Variants in DRC8 observed in about 807,000 individuals in gnomAD.
DRC8 encodes the protein dynein regulatory complex subunit 8.
chr1:245,098,755 C>G, the DRC8 span, among the ~76,000 whole-genome samples: 1 of 152,212 alleles, frequency 6.6e-6, no homozygotes, highest in South Asian at 2.1e-4. Context: ...ATTCTTGTGA[C>G]CTTCAGTCCT....
chr1:244,972,318 C>G, the DRC8 span, among the ~76,000 whole-genome samples: 1 of 152,094 alleles, frequency 6.6e-6, no homozygotes, highest in Non-Finnish European at 1.5e-5. Flanking sequence ...GTCTTTGCTT[C>G]CAAGGAAGGT....
the DRC8 span, among the ~76,000 whole-genome samples, chr1:245,098,250 T>A: frequency 6.6e-6 from 1 of 152,122 alleles, no homozygotes; most frequent in Admixed American, 6.6e-5. Context: ...TTGAGACGTG[T>A]TCCCACTGAG....
the DRC8 span, among the ~76,000 whole-genome samples, chr1:245,093,804 C>G: frequency 6.6e-6 from 1 of 152,032 alleles, no homozygotes; most frequent in East Asian, 1.9e-4. Flanking sequence ...AAATAGCACA[C>G]TATGAAAATC....
chr1:244,970,518 T>C, the DRC8 span: 12 of 1,498,140 alleles, frequency 8.0e-6, no homozygotes, highest in East Asian at 3.3e-4. Context: ...AAGCGCCGGG[T>C]GGGGTGGGCC....
the DRC8 span, among the ~76,000 whole-genome samples, chr1:245,105,545 C>A: frequency 1.3e-5 from 2 of 150,138 alleles, no homozygotes; most frequent in East Asian, 4.0e-4. Context: ...ATAACCTGAG[C>A]CCAGGACATG....
chr1:245,035,746 A>G, the DRC8 span, among the ~76,000 whole-genome samples: 1 of 152,038 alleles, frequency 6.6e-6, no homozygotes, highest in Non-Finnish European at 1.5e-5. Context: ...ACACACCTGT[A>G]ATCCCAGCTA....
chr1:245,012,611 A>G, the DRC8 span, among the ~76,000 whole-genome samples: 4 of 152,134 alleles, frequency 2.6e-5, no homozygotes, highest in African/African-American at 9.7e-5. Flanking sequence ...TACAAAACCC[A>G]TAAAATACTC....
At chr1:245,091,099 A>G in the DRC8 span, 3 of 152,242 alleles carry the variant, frequency 2.0e-5, no homozygotes, top group Non-Finnish European at 4.4e-5. Flanking sequence ...CGTGCATGCT[A>G]GAATCACCAG....
At chr1:245,067,655 T>A in the DRC8 span, among the ~76,000 whole-genome samples, 51,185 of 151,834 alleles carry the variant, frequency 0.34, 9,054 homozygotes, top group Middle Eastern at 0.41. Context: ...GGAATTGGCT[T>A]TTGAGTTAGT....
chr1:245,010,684 T>TCTA, the DRC8 span, among the ~76,000 whole-genome samples: 17 of 147,602 alleles, frequency 1.2e-4, no homozygotes, highest in African/African-American at 4.0e-4. Flanking sequence ...TTTCTTTCTT[T>TCTA]TTTTTTTTTT....
At chr1:244,975,181 C>T in the DRC8 span, among the ~76,000 whole-genome samples, 2,832 of 152,206 alleles carry the variant, frequency 0.019, 48 homozygotes, top group Non-Finnish European at 0.031. Flanking sequence ...CCGCCCACCT[C>T]GGCCTCCCAA....
chr1:245,020,614 T>C, the DRC8 span, among the ~76,000 whole-genome samples: 1 of 13,176 alleles, frequency 7.6e-5, no homozygotes, highest in Non-Finnish European at 1.4e-4. Context: ...TTTTTCTTTC[T>C]TTTTTTTTTT....
At chr1:245,047,747 G>A in the DRC8 span, among the ~76,000 whole-genome samples, 18 of 152,104 alleles carry the variant, frequency 1.2e-4, no homozygotes, top group African/African-American at 3.9e-4. Flanking sequence ...CAAAGCAGGT[G>A]GATCACTTGA....
chr1:245,059,282 G>A, the DRC8 span: 19 of 745,298 alleles, frequency 2.5e-5, no homozygotes, highest in Middle Eastern at 6.4e-4. Flanking sequence ...ATATCGGAGT[G>A]ATTTGGTTTC....
the DRC8 span, among the ~76,000 whole-genome samples, chr1:245,073,337 T>C: frequency 2.7e-4 from 41 of 152,154 alleles, no homozygotes; most frequent in African/African-American, 9.2e-4. Flanking sequence ...GGTTTCACCA[T>C]GTTGGCCAGG....
the DRC8 span, among the ~76,000 whole-genome samples, chr1:245,105,077 T>C: frequency 5.9e-5 from 9 of 152,248 alleles, no homozygotes; most frequent in Non-Finnish European, 1.3e-4. Flanking sequence ...GTATTTCCCG[T>C]AGACCAATTT....
At chr1:245,010,975 C>T in the DRC8 span, among the ~76,000 whole-genome samples, 1 of 152,050 alleles carries the variant, frequency 6.6e-6, no homozygotes, top group Non-Finnish European at 1.5e-5. Context: ...GCCACCGCGC[C>T]CAGCCTTGAG....
chr1:245,026,085 T>G, the DRC8 span, among the ~76,000 whole-genome samples: 35,559 of 152,168 alleles, frequency 0.23, 5,492 homozygotes, highest in Admixed American at 0.39. Context: ...TCCCTAATAT[T>G]TTCTTAATCT....
chr1:245,027,632 G>T, the DRC8 span, among the ~76,000 whole-genome samples: 1 of 152,108 alleles, frequency 6.6e-6, no homozygotes, highest in South Asian at 2.1e-4. Flanking sequence ...TGCTGTGAAA[G>T]ATAAGGACAT....
Sources: gnomAD v4.1 joint callset for allele counts (sites outside exome capture counted in the v4.1 genomes callset) on GRCh38, gnomAD v4.1.1 for gene constraint, MANE v1.5 for transcripts, NCBI Gene and HGNC (gene_info 2026-07-23, HGNC 2026-07-21) for gene names.